DNAJC2: variants seen among roughly 807,000 people sequenced by gnomAD.
DNAJC2 encodes DnaJ heat shock protein family (Hsp40) member C2, also known as dnaJ homolog subfamily C member 2.
In DNAJC2, 32 loss-of-function variants were observed where a neutral mutation model predicts 94.0. The observed-to-expected ratio is 0.34, with a 90% CI of 0.26 to 0.46. DNAJC2 has a LOEUF of 0.46. DNAJC2 is among the 20% of genes least tolerant of loss of function. The probability of loss-of-function intolerance (pLI) is 1.00; values close to 1 mark genes in which losing one functional copy is unlikely to be tolerated. For missense variants in DNAJC2, 550 were observed against 719.5 expected (o/e 0.76, Z 2.69); for synonymous variants, 210 against 229.7 (o/e 0.91, Z 0.77).
intron 3 of DNAJC2, chr7:103,335,764 T>A (rs545647441): frequency 6.6e-6 from 1 of 152,318 alleles, no homozygotes; most frequent in Non-Finnish European, 1.5e-5. Flanking sequence ...CGGGCTAGTA[T>A]TGAACTCCAG....
chr7:103,324,743 T>C lies in DNAJC2; in HGVS notation c.573-181A>G, dbSNP rs76981212. 3,408 of 497,594 alleles carry C rather than the reference T, an allele frequency of 6.8e-3. 204 individuals are homozygous for C. The East Asian group carries it at 0.13, about 19-fold the overall frequency. The allele number at this position is 497,594 out of a possible 1,614,324, so 30.8% of individuals were successfully genotyped here. A position where few individuals can be genotyped will look rare whatever the true frequency, so the allele number is the denominator to read the frequency against. On this transcript the variant is annotated intron_variant, in intron 5 of 16. Transcript: ENST00000379263. ...GCAGTGGGGCATGAAACAATGCAGG[T>C]GTGCGAAAAGTGAGGCCAAAGATAG...
intron 10 of DNAJC2, among the ~76,000 whole-genome samples, chr7:103,320,488 A>G (rs925153537): frequency 2.0e-5 from 3 of 152,048 alleles, no homozygotes; most frequent in African/African-American, 7.2e-5. Context: ...CCAAAAAACA[A>G]GTTAATATTC....
intron 13 of DNAJC2, chr7:103,316,334 C>A: frequency 3.1e-6 from 1 of 320,390 alleles, no homozygotes. Context: ...GTGTACAAAT[C>A]AACATAAATA....
chr7:103,314,267 T>C, intron 15 of DNAJC2: 1 of 985,418 alleles, frequency 1.0e-6, no homozygotes, highest in South Asian at 4.7e-5. Flanking sequence ...TCCAGTTACT[T>C]CACAATACCA....
chr7:103,320,274 G>C (rs1818312147), intron 10 of DNAJC2, among the ~76,000 whole-genome samples: 1 of 151,784 alleles, frequency 6.6e-6, no homozygotes, highest in African/African-American at 2.4e-5. Context: ...ATATTTAGTA[G>C]AGACGGGGTT....
intron 12 of DNAJC2, among the ~76,000 whole-genome samples, chr7:103,318,259 A>G (rs1381715725): frequency 6.6e-6 from 1 of 151,960 alleles, no homozygotes; most frequent in Non-Finnish European, 1.5e-5. Context: ...GTGACCTCCC[A>G]GGCTCAGGTA....
intron 5 of DNAJC2, among the ~76,000 whole-genome samples, chr7:103,325,449 G>GAA (rs35877928): frequency 0.022 from 3,273 of 145,864 alleles, 55 homozygotes; most frequent in Middle Eastern, 0.043. Flanking sequence ...AATAAAAAAG[G>GAA]AAAAAAAAAA....
At chr7:103,321,693 C>G (rs934177352) in intron 10 of DNAJC2, among the ~76,000 whole-genome samples, 1 of 151,884 alleles carries the variant, frequency 6.6e-6, no homozygotes, top group South Asian at 2.1e-4. Context: ...ACTAAAAATA[C>G]AAAAAATTAG....
intron 7 of DNAJC2, among the ~76,000 whole-genome samples, chr7:103,323,005 T>C (rs1292537408): frequency 1.3e-5 from 2 of 152,056 alleles, no homozygotes; most frequent in Admixed American, 6.6e-5. Context: ...TTTTGGCTCA[T>C]TGCAACCTCT....
intron 12 of DNAJC2, 30 bp downstream of exon 12, chr7:103,319,579 A>T (rs955926545): frequency 6.2e-7 from 1 of 1,605,908 alleles, no homozygotes; most frequent in African/African-American, 1.3e-5. Flanking sequence ...AATGCTACAT[A>T]TAGGTAGGAG....
At chr7:103,322,112 T>C in intron 9 of DNAJC2, 31 bp from the exon 10 acceptor site, 1 of 1,551,046 alleles carries the variant, frequency 6.4e-7, no homozygotes, top group Non-Finnish European at 8.7e-7. Context: ...ATCATTTTAA[T>C]AGGTACAGTA....
Position 103,312,591 on chromosome 7 carries a change from T to C in DNAJC2, c.1844A>G (p.Asn615Ser). The C allele has an allele frequency of 6.2e-7, 1 of 1,613,462 alleles. No individual in the cohort carries two copies. The highest frequency in any genetic ancestry group is 1.1e-5 in the South Asian group (1 of 90,902). ...AKKAAQEQVLNASRAKK is the reference protein window; with the variant it reads ...AKKAAQEQVLSASRAKK ...TTGTCATTTCTTGGCTCTACTTGCATTCAGCACTTGTTCTTGAGCAGCTTT... is the reference window on the plus strand; with the variant it reads ...TTGTCATTTCTTGGCTCTACTTGCACTCAGCACTTGTTCTTGAGCAGCTTT... Residue 615 changes from asparagine (N) to serine (S), a missense_variant, in exon 17 of 17, where the codon AAT (asparagine) becomes AGT (serine). Asn to Ser is a conservative substitution (Grantham distance 46). Coordinates refer to ENST00000379263, the MANE Select transcript of DNAJC2 (RefSeq NM_014377.3).
At position 103,344,602 on chromosome 7, in the gene DNAJC2, G is replaced by C. The variant is rs1182895436; in HGVS notation, c.21C>G (p.Ala7=). 2 of 1,612,538 alleles carry C rather than the reference G, an allele frequency of 1.2e-6. No homozygotes were observed. The change falls in exon 1 of 17, where the codon GCC becomes GCG. Residue 7 remains alanine, a synonymous_variant. Transcript: ENST00000379263. MLLLPS[A]ADGRGTAITH... The stretch of plus-strand genomic sequence containing the variant: ...TGATGGCGGTGCCCCGGCCGTCCGC[G>C]GCGCTTGGCAGAAGCAGCATGATGG...
chr7:103,326,095 C>T (rs1339849836), intron 5 of DNAJC2, among the ~76,000 whole-genome samples: 1 of 152,068 alleles, frequency 6.6e-6, no homozygotes, highest in Non-Finnish European at 1.5e-5. Context: ...ACTCCCGTCT[C>T]CGCCTCCCGA....
intron 10 of DNAJC2, among the ~76,000 whole-genome samples, 169 bp downstream of exon 10, chr7:103,321,763 C>T (rs1467164110): frequency 1.3e-5 from 2 of 152,066 alleles, no homozygotes; most frequent in South Asian, 2.1e-4. Context: ...GCAGGAGAAT[C>T]GCTCGAACCC....
At chr7:103,324,689 T>G in intron 5 of DNAJC2, 127 bp from the exon 6 acceptor site, 1 of 939,366 alleles carries the variant, frequency 1.1e-6, no homozygotes, top group Non-Finnish European at 1.4e-6. Flanking sequence ...CTACAAACTC[T>G]ACAACTCGAA....
chr7:103,330,686 G>A (rs1050916454), intron 3 of DNAJC2, among the ~76,000 whole-genome samples: 2 of 150,680 alleles, frequency 1.3e-5, no homozygotes, highest in East Asian at 2.0e-4. Flanking sequence ...TCCTGACCTC[G>A]TGATCTGCCC....
intron 3 of DNAJC2, among the ~76,000 whole-genome samples, chr7:103,334,651 T>C (rs1290490154): frequency 6.6e-6 from 1 of 151,796 alleles, no homozygotes; most frequent in Non-Finnish European, 1.5e-5. Flanking sequence ...TCTTGCTATG[T>C]TGTCCAGGTT....
chr7:103,315,344 A>G (rs758943689), intron 15 of DNAJC2, among the ~76,000 whole-genome samples: 13 of 152,190 alleles, frequency 8.5e-5, no homozygotes, highest in Non-Finnish European at 1.8e-4. Context: ...ATGTACAGAC[A>G]TACTTTGAAC....
Sources: allele counts gnomAD v4.1 joint callset (sites outside exome capture counted in the v4.1 genomes callset), GRCh38; gene constraint gnomAD v4.1.1; transcripts MANE v1.5; gene names NCBI Gene and HGNC (gene_info 2026-07-23, HGNC 2026-07-21).